The following GRB14 variants were observed in gnomAD, a reference collection of about 807,000 sequenced individuals.
GRB14 encodes growth factor receptor bound protein 14.
GRB14 carries 38 observed loss-of-function variants against 69.1 expected under a neutral mutation model. The ratio of observed to expected loss-of-function variants is 0.55; its 90% CI spans 0.42 to 0.72. The LOEUF is 0.72. Ranked by LOEUF, GRB14 falls within the 30% of genes least tolerant of loss-of-function variation. GRB14 has a pLI of 0.00. For synonymous variants in GRB14, 247 were observed against 241.3 expected (o/e 1.02, Z -0.22); for missense variants, 666 against 666.1 (o/e 1.00, Z 0.00).
At chr2:164,586,232 A>G (rs1689536651) in intron 2 of GRB14, among the ~76,000 whole-genome samples, 1 of 152,192 alleles carries the variant, frequency 6.6e-6, no homozygotes, top group Non-Finnish European at 1.5e-5. Flanking sequence ...ACATATTTGG[A>G]TTTGAGTGAA....
chr2:164,508,640 TAA>T lies in GRB14; in HGVS notation c.928-92_928-91del, dbSNP rs1687255698. The T allele has an allele frequency of 5.6e-6, 8 of 1,436,184 alleles. No individual in the cohort carries two copies. The African/African-American group carries it at 5.7e-5, about 10-fold the overall frequency. 89.0% of individuals were successfully genotyped at this position (1,436,184 alleles called of 1,614,324 possible). On this transcript the variant is annotated intron_variant, in intron 7 of 13. Transcript: ENST00000263915. ...AAAGCCACTAAAATTCTCCTATATA[TAA>T]GAGAAAGCTGTCTCTTTTCAAAAGC...
chr2:164,618,667 T>A (rs764487393), intron 2 of GRB14, among the ~76,000 whole-genome samples: 6 of 152,192 alleles, frequency 3.9e-5, no homozygotes, highest in Non-Finnish European at 8.8e-5. Context: ...ACTGTCTCTA[T>A]CATTTCTGTA....
At chr2:164,513,058 G>A (rs1207172032) in intron 6 of GRB14, among the ~76,000 whole-genome samples, 2 of 151,814 alleles carry the variant, frequency 1.3e-5, no homozygotes, top group Non-Finnish European at 2.9e-5. Flanking sequence ...CACAAATCTG[G>A]CCTTTTGCCA....
At chr2:164,587,368 T>G (rs1689562427) in intron 2 of GRB14, among the ~76,000 whole-genome samples, 2 of 152,196 alleles carry the variant, frequency 1.3e-5, no homozygotes, top group Admixed American at 1.3e-4. Flanking sequence ...TCTCAGGCAC[T>G]GTGCTGGATG....
At chr2:164,519,344 T>C (rs1356511398) in intron 6 of GRB14, among the ~76,000 whole-genome samples, 4 of 152,126 alleles carry the variant, frequency 2.6e-5, no homozygotes, top group African/African-American at 9.7e-5. Flanking sequence ...AAAATTGGCA[T>C]AGAAGGACAT....
intron 2 of GRB14, among the ~76,000 whole-genome samples, chr2:164,617,613 T>C (rs957323697): frequency 2.6e-5 from 4 of 152,058 alleles, no homozygotes; most frequent in African/African-American, 9.7e-5. Flanking sequence ...TCACTTTCTA[T>C]TCAAAACAAA....
At chr2:164,547,141 G>A (rs1170610831) in intron 3 of GRB14, among the ~76,000 whole-genome samples, 1 of 152,062 alleles carries the variant, frequency 6.6e-6, no homozygotes, top group African/African-American at 2.4e-5. Flanking sequence ...ATCCTTCAGT[G>A]CCAAGATACA....
At chr2:164,606,394 A>G (rs1483809511) in intron 2 of GRB14, among the ~76,000 whole-genome samples, 2 of 152,184 alleles carry the variant, frequency 1.3e-5, no homozygotes, top group Non-Finnish European at 2.9e-5. Flanking sequence ...TATGTTTCAG[A>G]TATCATGGAA....
intron 2 of GRB14, among the ~76,000 whole-genome samples, chr2:164,598,330 T>C (rs1185010623): frequency 1.3e-5 from 2 of 152,228 alleles, no homozygotes; most frequent in African/African-American, 4.8e-5. Context: ...AATAGCATTG[T>C]TTCTATGGGA....
In GRB14 at chr2:164,497,076, T is replaced by A. The variant is rs149801569; in HGVS notation, c.1314A>T (p.Pro438=). 18 of 1,613,764 alleles carry A rather than the reference T, an allele frequency of 1.1e-5. No homozygotes were observed. The highest frequency in any genetic ancestry group is 1.5e-5 in the Non-Finnish European group (18 of 1,179,832). ...CTCTAGAAATTTTGTGGTGAAACCA[T>A]GGCTGGGACCGGTGGATAGCTAAAG... ...ATNMAIHRSQ[P]WFHHKISRDE... The change falls in exon 12 of 14, where the codon CCA becomes CCT. Residue 438 remains proline, a synonymous_variant. Transcript: ENST00000263915.
At chr2:164,582,606 A>G (rs1484026950) in intron 2 of GRB14, among the ~76,000 whole-genome samples, 1 of 151,972 alleles carries the variant, frequency 6.6e-6, no homozygotes, top group Non-Finnish European at 1.5e-5. Flanking sequence ...TTTTTAGTAG[A>G]GACGGGGTTT....
At chr2:164,568,248 A>G (rs1039723671) in intron 2 of GRB14, 2 of 978,812 alleles carry the variant, frequency 2.0e-6, no homozygotes, top group African/African-American at 3.4e-5. Context: ...ATTAATAAAC[A>G]CACAGTAACA....
At chr2:164,528,142 G>A (rs1687829978) in intron 3 of GRB14, among the ~76,000 whole-genome samples, 1 of 151,986 alleles carries the variant, frequency 6.6e-6, no homozygotes, top group African/African-American at 2.4e-5. Flanking sequence ...TGCTAGAAAG[G>A]GTTTTGGAGA....
At chr2:164,567,967 C>T (rs924259728) in intron 2 of GRB14, among the ~76,000 whole-genome samples, 26 of 151,806 alleles carry the variant, frequency 1.7e-4, no homozygotes, top group African/African-American at 5.8e-4. Flanking sequence ...AAATATAAGA[C>T]ATAACAGCAG....
intron 2 of GRB14, among the ~76,000 whole-genome samples, chr2:164,612,106 T>G (rs6752075): frequency 0.77 from 117,441 of 152,118 alleles, 45,988 homozygotes; most frequent in Admixed American, 0.82. Flanking sequence ...TCCAATATCT[T>G]TCAGTCACAT....
chr2:164,521,103 C>T (rs370411715), intron 6 of GRB14, among the ~76,000 whole-genome samples: 5 of 152,018 alleles, frequency 3.3e-5, no homozygotes, highest in African/African-American at 1.2e-4. Flanking sequence ...ATGGAACCAG[C>T]GCAAATCCCC....
chr2:164,590,766 A>G (rs967315706), intron 2 of GRB14, among the ~76,000 whole-genome samples: 3 of 152,220 alleles, frequency 2.0e-5, no homozygotes, highest in African/African-American at 7.2e-5. Flanking sequence ...ATTTTCATAA[A>G]TAAGATACAA....
chr2:164,600,438 C>T (rs956384171), intron 2 of GRB14, among the ~76,000 whole-genome samples: 17 of 152,072 alleles, frequency 1.1e-4, no homozygotes, highest in African/African-American at 4.1e-4. Flanking sequence ...ATTGATTGAC[C>T]ACTCCTTCTG....
At chr2:164,499,301 A>T (rs1395766482) in intron 9 of GRB14, among the ~76,000 whole-genome samples, 1 of 152,174 alleles carries the variant, frequency 6.6e-6, no homozygotes, top group Non-Finnish European at 1.5e-5. Flanking sequence ...TACTTGACAT[A>T]CATAAGAAGA....
Sources: gnomAD v4.1 joint callset for allele counts (sites outside exome capture counted in the v4.1 genomes callset) on GRCh38, gnomAD v4.1.1 for gene constraint, MANE v1.5 for transcripts, NCBI Gene and HGNC (gene_info 2026-07-23, HGNC 2026-07-21) for gene names.